ADAMTSL2: variants seen among roughly 807,000 people sequenced by gnomAD.
ADAMTSL2 encodes the protein ADAMTS like 2.
ADAMTSL2 carries 55 observed loss-of-function variants against 117.0 expected under a neutral mutation model. The ratio of observed to expected loss-of-function variants is 0.47; its 90% CI spans 0.38 to 0.59. The LOEUF (loss-of-function observed/expected upper bound fraction) is 0.59. ADAMTSL2 is among the 20% of genes least tolerant of loss of function. The pLI is 0.00. For missense variants in ADAMTSL2, 1,182 were observed against 1,354.5 expected (o/e 0.87, Z 2.00); for synonymous variants, 572 against 566.4 (o/e 1.01, Z -0.14).
intron 17 of ADAMTSL2, among the ~76,000 whole-genome samples, chr9:133,571,004 C>T (rs923292166): frequency 3.3e-5 from 5 of 152,208 alleles, no homozygotes; most frequent in Non-Finnish European, 7.3e-5. Context: ...GTCTCCTGCA[C>T]GGGTCTGGCC....
rs1406038577 is a variant in ADAMTSL2 at position 133,539,891 on chromosome 9, G to T, written c.412+18G>T. The T allele has an allele frequency of 6.5e-7, 1 of 1,549,846 alleles. No individual in the cohort carries two copies. Among genetic ancestry groups the T allele is most frequent in the Non-Finnish European group, 8.7e-7 (1 of 1,146,340 alleles). On this transcript the variant is annotated intron_variant, in intron 5 of 18. Coordinates refer to ENST00000651351, the MANE Select transcript of ADAMTSL2 (RefSeq NM_014694.4). Reference sequence around the variant, plus strand: ...GTACCCGGGTACCTGCCGCCCTGGGGACCCACCTTGCAGGGAGCTGACTGA... The same window carrying T: ...GTACCCGGGTACCTGCCGCCCTGGGTACCCACCTTGCAGGGAGCTGACTGA...
chr9:133,569,335 G>T, intron 15 of ADAMTSL2, 73 bp from the exon 16 acceptor site: 1 of 1,523,104 alleles, frequency 6.6e-7, no homozygotes, highest in Admixed American at 1.8e-5. Context: ...TCTCCCTTGG[G>T]ACTGACATCC....
intron 4 of ADAMTSL2, 99 bp from the exon 5 acceptor site, chr9:133,539,672 C>CGGCTGTCCCGGCTGTCCT (rs1554810818): frequency 9.6e-6 from 12 of 1,253,024 alleles, no homozygotes; most frequent in African/African-American, 1.5e-5. Flanking sequence ...CCGGCTGTCC[C>CGGCTGTCCCGGCTGTCCT]GGCTGTCCCG....
chr9:133,560,863 C>T (rs1830710870), intron 11 of ADAMTSL2, among the ~76,000 whole-genome samples: 1 of 152,212 alleles, frequency 6.6e-6, no homozygotes, highest in Admixed American at 6.5e-5. Context: ...ATTGAGAAGC[C>T]TGCGTGTGTG....
chr9:133,561,293 C>T lies in ADAMTSL2; in HGVS notation c.1745C>T (p.Thr582Ile). 1 of 1,591,806 alleles carries T rather than the reference C, an allele frequency of 6.3e-7. No homozygotes were observed. Among genetic ancestry groups the T allele is most frequent in the Non-Finnish European group, 8.6e-7 (1 of 1,169,102 alleles). Residue 582 changes from threonine (T) to isoleucine (I), a missense_variant and splice_region_variant, in exon 12 of 19, where the codon ACA becomes ATA. Thr to Ile is a moderately conservative substitution (Grantham distance 89, BLOSUM62 -1). This residue lies in a region of ADAMTSL2 where 465 missense variants were observed against 565.3 expected (regional missense o/e 0.82). Transcript: ENST00000651351. ...GAGCCCTGCAGTGCCACCTGCACCA[C>T]AGGTACTGGTCACGGGTGCCAAGGG... is the stretch of plus-strand genomic sequence containing the variant. ...SHEPCSATCT[T>I]GVMSAYAMCV... is the part of the protein sequence containing the mutation.
At chr9:133,546,107 G>A (rs888923007) in intron 8 of ADAMTSL2, among the ~76,000 whole-genome samples, 17 of 152,040 alleles carry the variant, frequency 1.1e-4, no homozygotes, top group Admixed American at 7.9e-4. Context: ...CCCGAGCGCC[G>A]AATCGGCCTC....
chr9:133,552,218 G>A (rs944500686), intron 9 of ADAMTSL2, among the ~76,000 whole-genome samples: 6 of 152,208 alleles, frequency 3.9e-5, no homozygotes, highest in Non-Finnish European at 8.8e-5. Flanking sequence ...CTTCGTGGTG[G>A]AGGGTATGAG....
At position 133,569,524 on chromosome 9, in the gene ADAMTSL2, C is replaced by T. The variant is rs920364138; in HGVS notation, c.2361C>T (p.His787=). Residue 787 remains histidine (H), a synonymous_variant, in exon 16 of 19, where the codon CAC becomes CAT. Coordinates refer to ENST00000651351, the MANE Select transcript of ADAMTSL2 (RefSeq NM_014694.4). Reference sequence around the variant, plus strand: ...TGGAGACCAAGCCTCTGGCCATCCACCCCTGTGGGGACAAAAACTGTCCCG... The same window carrying T: ...TGGAGACCAAGCCTCTGGCCATCCATCCCTGTGGGGACAAAAACTGTCCCG... ...CQMETKPLAI[H]PCGDKNCPAH... is the part of the protein sequence containing the mutation. 3.1e-5 allele frequency: 50 copies of T among 1,607,760 alleles called. No individual in the cohort carries two copies. The highest frequency in any genetic ancestry group is 2.4e-4 in the Admixed American group (14 of 59,298).
rs1831080613 is a variant in ADAMTSL2, at chr9:133,570,481, A to G, written c.2566A>G (p.Lys856Glu). 1.2e-6 allele frequency: 2 copies of G among 1,611,730 alleles called. No individual in the cohort carries two copies. Among genetic ancestry groups the G allele is most frequent in the Non-Finnish European group, 8.5e-7 (1 of 1,179,562 alleles). Reference protein sequence around the residue: ...ESTCFERPCFKWYTSPWSECT... With the variant: ...ESTCFERPCFEWYTSPWSECT... ...CACGTGTTTCGAGAGGCCCTGCTTC[A>G]AGTGGTACACCAGCCCCTGGTCAGA... is the stretch of plus-strand genomic sequence containing the variant. The change falls in exon 17 of 19, where the codon AAG (lysine) becomes GAG (glutamate). Residue 856 changes from lysine (K) to glutamate (E), a missense_variant. Around this residue, in one of 3 missense-constraint regions of ADAMTSL2, gnomAD observed 465 missense variants for 565.3 expected, o/e 0.82. Transcript: ENST00000651351.
chr9:133,573,925 C>A lies in ADAMTSL2; in HGVS notation c.2675C>A (p.Pro892Gln). 6.2e-7 allele frequency: 1 copy of A among 1,614,060 alleles called. No individual in the cohort carries two copies. The highest frequency in any genetic ancestry group is 8.5e-7 in the Non-Finnish European group (1 of 1,180,020). Residue 892 changes from proline (P) to glutamine (Q), a missense_variant, in exon 18 of 19, where the codon CCG (proline) becomes CAG (glutamine). By Grantham distance (76) the Pro-to-Gln change is moderately conservative (BLOSUM62 -1). This residue lies in a region of ADAMTSL2 where 465 missense variants were observed against 565.3 expected (regional missense o/e 0.82). Coordinates refer to ENST00000651351, the MANE Select transcript of ADAMTSL2 (RefSeq NM_014694.4). ...ACCGACATCGTCCGTGGTTGCGATC[C>A]GTTGGTGAAGCCCGTTGGCAGACAG... ...QGTDIVRGCDPLVKPVGRQAC... is the reference protein window; with the variant it reads ...QGTDIVRGCDQLVKPVGRQAC...
chr9:133,569,325 T>G (rs1446440620), intron 15 of ADAMTSL2, 83 bp from the exon 16 acceptor site: 1 of 1,442,666 alleles, frequency 6.9e-7, no homozygotes, highest in Non-Finnish European at 9.6e-7. Flanking sequence ...GAGCCACTCC[T>G]CTCCCTTGGG....
upstream of ADAMTSL2, among the ~76,000 whole-genome samples, chr9:133,533,835 C>G (rs1188922712): frequency 1.3e-5 from 2 of 152,200 alleles, no homozygotes; most frequent in Admixed American, 1.3e-4. Flanking sequence ...CTTCCTCCTC[C>G]TCCCCTTTTT....
intron 17 of ADAMTSL2, among the ~76,000 whole-genome samples, chr9:133,570,739 G>A (rs981047516): frequency 2.6e-5 from 4 of 152,162 alleles, no homozygotes; most frequent in African/African-American, 4.8e-5. Context: ...TACGGCACTC[G>A]TCCTGGGCCT....
At chr9:133,573,716 G>T in intron 17 of ADAMTSL2, 127 bp from the exon 18 acceptor site, 1 of 1,187,758 alleles carries the variant, frequency 8.4e-7, no homozygotes, top group Non-Finnish European at 1.2e-6. Flanking sequence ...TCCTGTGTCA[G>T]TTGGGACTCA....
chr9:133,538,601 C>A (rs1461024742), intron 4 of ADAMTSL2, among the ~76,000 whole-genome samples, 177 bp downstream of exon 4: 2 of 151,474 alleles, frequency 1.3e-5, no homozygotes, highest in Non-Finnish European at 2.9e-5. Flanking sequence ...TAGTACGGAG[C>A]CATCCACTGT....
intron 11 of ADAMTSL2, among the ~76,000 whole-genome samples, chr9:133,556,965 G>A (rs1185606304): frequency 1.3e-5 from 2 of 152,188 alleles, no homozygotes; most frequent in African/African-American, 4.8e-5. Context: ...GGCAGTGAGT[G>A]GGGGTTGGAG....
chr9:133,533,916 C>T (rs147549632), upstream of ADAMTSL2, among the ~76,000 whole-genome samples: 751 of 152,270 alleles, frequency 4.9e-3, 6 homozygotes, highest in African/African-American at 0.017. Flanking sequence ...CCCAGCCTTG[C>T]TTTAGGAAAG....
At chr9:133,561,094 A>G in intron 11 of ADAMTSL2, 104 bp from the exon 12 acceptor site, 1 of 936,704 alleles carries the variant, frequency 1.1e-6, no homozygotes, top group South Asian at 1.4e-5. Context: ...TGTGTGCTTC[A>G]GGCGAACATA....
At chr9:133,536,414 T>A (rs1830052801) in intron 1 of ADAMTSL2, 149 bp from the exon 2 acceptor site, 5 of 1,184,168 alleles carry the variant, frequency 4.2e-6, no homozygotes. Context: ...CATGGCATGC[T>A]TCCCTGCATG....
Sources: allele counts gnomAD v4.1 joint callset (sites outside exome capture counted in the v4.1 genomes callset), GRCh38; gene constraint gnomAD v4.1.1; regional missense constraint gnomAD v4.1.1; transcripts MANE v1.5; gene names NCBI Gene and HGNC (gene_info 2026-07-23, HGNC 2026-07-21).